NDUFAF2: variants seen among roughly 807,000 people sequenced by gnomAD.
NDUFAF2 encodes the protein NADH:ubiquinone oxidoreductase complex assembly factor 2.
Under a neutral mutation model 22.8 loss-of-function variants are expected in NDUFAF2, and 13 were observed. The ratio of observed to expected loss-of-function variants is 0.57; its 90% CI spans 0.37 to 0.91. NDUFAF2 has a LOEUF of 0.91. Among genes scored for constraint, NDUFAF2 ranks in the 40% least tolerant of loss-of-function variants. NDUFAF2 has a pLI of 0.01. For synonymous variants in NDUFAF2, 53 were observed against 64.2 expected, an observed-to-expected ratio of 0.83 and a Z score of 0.84; for missense variants, 162 against 195.2, an observed-to-expected ratio of 0.83 and a Z score of 1.01.
intron 1 of NDUFAF2, among the ~76,000 whole-genome samples, chr5:60,999,852 A>G (rs530445983): frequency 4.1e-4 from 62 of 152,172 alleles, no homozygotes; most frequent in African/African-American, 1.5e-3. Context: ...AATTAGAGAA[A>G]GTTCTCCAAA....
chr5:61,149,478 C>T (rs985781532), intron 3 of NDUFAF2, among the ~76,000 whole-genome samples: 2 of 151,822 alleles, frequency 1.3e-5, no homozygotes, highest in Non-Finnish European at 2.9e-5. Context: ...GGATTGTCAC[C>T]ACAGTGTTAT....
At chr5:61,129,536 G>A (rs1227987936) in intron 3 of NDUFAF2, among the ~76,000 whole-genome samples, 2 of 151,348 alleles carry the variant, frequency 1.3e-5, no homozygotes, top group Non-Finnish European at 2.9e-5. Context: ...GCAAACTATT[G>A]CAAGGACAAA....
intron 3 of NDUFAF2, among the ~76,000 whole-genome samples, chr5:61,100,994 C>A (rs1022818287): frequency 6.6e-6 from 1 of 152,134 alleles, no homozygotes; most frequent in Non-Finnish European, 1.5e-5. Flanking sequence ...TGACTTCATC[C>A]ATACTAGTAT....
rs376176819 is a variant in NDUFAF2, at chr5:61,129,335, A to G, written c.259-23369A>G. ...ATAAATCATGCTACTATAAAGACAC[A>G]TGGACATGTATGTTTATTGCAGCAC... On this transcript the variant is annotated intron_variant, in intron 3 of 3. Coordinates refer to ENST00000296597, the MANE Select transcript of NDUFAF2 (RefSeq NM_174889.5). Among the ~76,000 whole-genome samples the G allele has an allele frequency of 3.5e-4, 53 of 152,288 alleles. No homozygotes were observed. The East Asian group carries it at 7.5e-3, about 22-fold the overall frequency.
At chr5:61,106,003 G>A (rs1340919741) in intron 3 of NDUFAF2, among the ~76,000 whole-genome samples, 1 of 151,462 alleles carries the variant, frequency 6.6e-6, no homozygotes, top group Non-Finnish European at 1.5e-5. Flanking sequence ...AGAAAACTCT[G>A]AAAGTGGAGT....
chr5:61,017,280 T>G (rs1751524045), intron 1 of NDUFAF2, among the ~76,000 whole-genome samples: 1 of 152,192 alleles, frequency 6.6e-6, no homozygotes, highest in African/African-American at 2.4e-5. Context: ...CTCAGAGAAT[T>G]AAGCATGGGA....
intron 1 of NDUFAF2, among the ~76,000 whole-genome samples, chr5:61,067,642 C>A (rs1161287933): frequency 3.3e-5 from 5 of 152,046 alleles, no homozygotes; most frequent in Non-Finnish European, 4.4e-5. Context: ...GTCTTTATAG[C>A]AGCATTATTT....
chr5:61,079,668 G>GA (rs1425534920), intron 2 of NDUFAF2, among the ~76,000 whole-genome samples: 1 of 152,202 alleles, frequency 6.6e-6, no homozygotes, highest in African/African-American at 2.4e-5. Context: ...CATTAAATAT[G>GA]TTGTTTGTAG....
rs368411114 is a variant in NDUFAF2 at position 60,979,719 on chromosome 5, G to A, written c.127+34337G>A. Among the ~76,000 whole-genome samples the A allele has an allele frequency of 5.3e-5, 8 of 152,258 alleles. No homozygotes were observed. In the East Asian group the frequency reaches 1.5e-3, roughly 29 times the overall value. On this transcript the variant is annotated intron_variant, in intron 1 of 3. Coordinates refer to ENST00000296597, the MANE Select transcript of NDUFAF2 (RefSeq NM_174889.5). ...GCTCCTGAATGGCATCTCTGGACCTGCCCAAGGCCAGGAGCAACTTGCTCC... is the reference window on the plus strand; with the variant it reads ...GCTCCTGAATGGCATCTCTGGACCTACCCAAGGCCAGGAGCAACTTGCTCC...
intron 3 of NDUFAF2, among the ~76,000 whole-genome samples, chr5:61,133,909 C>A (rs1162710709): frequency 1.3e-5 from 2 of 152,178 alleles, no homozygotes; most frequent in Non-Finnish European, 2.9e-5. Flanking sequence ...ACACTTTTAC[C>A]CTCTGCCCTA....
At chr5:61,055,264 C>A (rs532216558) in intron 1 of NDUFAF2, among the ~76,000 whole-genome samples, 1 of 152,252 alleles carries the variant, frequency 6.6e-6, no homozygotes, top group South Asian at 2.1e-4. Context: ...TGTTGAAATT[C>A]AACACATTTT....
intron 1 of NDUFAF2, among the ~76,000 whole-genome samples, chr5:61,014,279 G>T (rs1751479229): frequency 6.6e-6 from 1 of 152,192 alleles, no homozygotes; most frequent in Non-Finnish European, 1.5e-5. Flanking sequence ...AGTTTGGAGA[G>T]CTTTCAGGTT....
rs565944128 is a variant in NDUFAF2, at chr5:61,035,594, T to C, written c.128-37531T>C. Among the ~76,000 whole-genome samples the C allele has an allele frequency of 2.1e-4, 32 of 152,048 alleles. No homozygotes were observed. The South Asian group carries it at 6.2e-3, about 30-fold the overall frequency. On this transcript the variant is annotated intron_variant, in intron 1 of 3. Coordinates refer to ENST00000296597, the MANE Select transcript of NDUFAF2 (RefSeq NM_174889.5). ...CCTTGTTCTTTAAACCACAGAGCAG[T>C]CTCTTCTCTCCTTCTCTTCCCCACT... is the stretch of plus-strand genomic sequence containing the variant.
chr5:61,126,313 CT>C (rs1753035480), intron 3 of NDUFAF2, among the ~76,000 whole-genome samples: 2 of 151,886 alleles, frequency 1.3e-5, no homozygotes, highest in South Asian at 4.1e-4. Context: ...CTGTTTCTAG[CT>C]TTTCTATAAT....
At chr5:61,136,222 G>C (rs1740936000) in intron 3 of NDUFAF2, among the ~76,000 whole-genome samples, 1 of 151,104 alleles carries the variant, frequency 6.6e-6, no homozygotes, top group Non-Finnish European at 1.5e-5. Context: ...TCTAATCTTG[G>C]TATCTCTTTT....
chr5:61,091,771 C>G (rs182226182), intron 2 of NDUFAF2, among the ~76,000 whole-genome samples: 4 of 152,206 alleles, frequency 2.6e-5, no homozygotes, highest in African/African-American at 9.6e-5. Context: ...AATTTTTGCC[C>G]ATTTCTATAT....
intron 1 of NDUFAF2, among the ~76,000 whole-genome samples, chr5:60,968,357 A>T (rs1750784871): frequency 6.6e-6 from 1 of 150,836 alleles, no homozygotes; most frequent in Non-Finnish European, 1.5e-5. Flanking sequence ...GATATTTTTT[A>T]TTTCTTTTCT....
At chr5:61,092,803 T>C (rs1377695954) in intron 2 of NDUFAF2, among the ~76,000 whole-genome samples, 3 of 152,084 alleles carry the variant, frequency 2.0e-5, no homozygotes, top group African/African-American at 4.8e-5. Context: ...TCAAGGGAAT[T>C]GTATTAGTCA....
At chr5:60,986,108 A>T (rs574686606) in intron 1 of NDUFAF2, among the ~76,000 whole-genome samples, 2 of 152,310 alleles carry the variant, frequency 1.3e-5, no homozygotes, top group African/African-American at 2.4e-5. Flanking sequence ...AACTAAAAAT[A>T]GGGCTACCAT....
Sources: allele counts gnomAD v4.1 joint callset (sites outside exome capture counted in the v4.1 genomes callset), GRCh38; gene constraint gnomAD v4.1.1; transcripts MANE v1.5; gene names NCBI Gene and HGNC (gene_info 2026-07-23, HGNC 2026-07-21).